Variants in ACACB observed in about 807,000 individuals in gnomAD.
The protein encoded by ACACB is acetyl-CoA carboxylase 2.
ACACB carries 209 observed loss-of-function variants against 278.8 expected under a neutral mutation model. The observed-to-expected ratio is 0.75, with a 90% CI of 0.67 to 0.84. The LOEUF (loss-of-function observed/expected upper bound fraction) is 0.84, where lower values mean the gene tolerates loss of function less well. ACACB is among the 40% of genes least tolerant of loss of function. The probability of loss-of-function intolerance (pLI) is 0.00; values close to 1 mark genes in which losing one functional copy is unlikely to be tolerated. For missense variants in ACACB, 2,850 were observed against 3,269.0 expected, an observed-to-expected ratio of 0.87 and a Z score of 3.13; for synonymous variants, 1,174 against 1,285.6, an observed-to-expected ratio of 0.91 and a Z score of 1.86.
chr12:109,210,499 ATG>A (rs1362382440), intron 21 of ACACB, among the ~76,000 whole-genome samples: 1 of 148,682 alleles, frequency 6.7e-6, no homozygotes, highest in South Asian at 2.1e-4. Flanking sequence ...ATATACATGT[ATG>A]TGTATATACG....
At chr12:109,260,226 T>A in intron 47 of ACACB, 1 of 1,377,202 alleles carries the variant, frequency 7.3e-7, no homozygotes, top group Non-Finnish European at 9.9e-7. Context: ...TCAATTCCAG[T>A]TGGAAAGAAT....
At chr12:109,209,144 A>G in intron 20 of ACACB, 21 bp from the exon 21 acceptor site, 1 of 1,574,480 alleles carries the variant, frequency 6.4e-7, no homozygotes, top group East Asian at 2.3e-5. Flanking sequence ...CTGGGGGCTG[A>G]TGCTGTGGTC....
At chr12:109,126,334 C>T (rs1358036089) in intron 1 of ACACB, among the ~76,000 whole-genome samples, 1 of 152,080 alleles carries the variant, frequency 6.6e-6, no homozygotes, top group Non-Finnish European at 1.5e-5. Context: ...AGGCAGGGGC[C>T]GATCTGGAAC....
chr12:109,216,352 G>A (rs561543574), intron 22 of ACACB, among the ~76,000 whole-genome samples: 225 of 151,670 alleles, frequency 1.5e-3, no homozygotes, highest in African/African-American at 5.2e-3. Flanking sequence ...CTCCTGAGTA[G>A]CTGGGACTAC....
intron 21 of ACACB, 127 bp downstream of exon 21, chr12:109,209,480 AG>A: frequency 1.1e-6 from 1 of 915,798 alleles, no homozygotes; most frequent in Middle Eastern, 3.5e-4. Context: ...CTAACATATC[AG>A]GGGCCGAGGG....
At position 109,266,368 on chromosome 12, in the gene ACACB, G is replaced by A; in HGVS notation, c.*6G>A. The A allele has an allele frequency of 6.3e-7, 1 of 1,597,040 alleles. No individual in the cohort carries two copies. The highest frequency in any genetic ancestry group is 8.5e-7 in the Non-Finnish European group (1 of 1,174,370). Reference sequence around the variant, plus strand: ...ACAGCCCGGCCTCCACCTGACCGTGGCCCGCCCAGCCACTCCCGGGACCAC... The same window carrying A: ...ACAGCCCGGCCTCCACCTGACCGTGACCCGCCCAGCCACTCCCGGGACCAC... On this transcript the variant is annotated 3_prime_UTR_variant, in exon 53 of 53. Transcript: ENST00000338432.
intron 26 of ACACB, among the ~76,000 whole-genome samples, chr12:109,223,245 A>C (rs1240609637): frequency 1.3e-5 from 2 of 151,968 alleles, no homozygotes; most frequent in Non-Finnish European, 2.9e-5. Flanking sequence ...CATCTTCCCT[A>C]TTCCTGGACT....
At chr12:109,167,319 A>C in intron 3 of ACACB, 1 of 206,712 alleles carries the variant, frequency 4.8e-6, no homozygotes, top group Non-Finnish European at 9.9e-6. Context: ...ACAGTGGCTC[A>C]TGCCTGTAAT....
intron 1 of ACACB, chr12:109,125,209 T>C (rs755905957): frequency 6.6e-6 from 1 of 152,182 alleles, no homozygotes; most frequent in Non-Finnish European, 1.5e-5. Flanking sequence ...TTGAGGGGTG[T>C]TACGACCTTA....
chr12:109,262,222 G>A (rs947615977), intron 48 of ACACB, 135 bp from the exon 49 acceptor site: 7 of 648,242 alleles, frequency 1.1e-5, no homozygotes, highest in African/African-American at 5.4e-5. Flanking sequence ...CACACAGCAT[G>A]TGTGGGGGTA....
chr12:109,216,864 T>G lies in ACACB; in HGVS notation c.3508T>G (p.Cys1170Gly). The G allele has an allele frequency of 6.2e-7, 1 of 1,614,136 alleles. No individual in the cohort carries two copies. Among genetic ancestry groups the G allele is most frequent in the Admixed American group, 1.7e-5 (1 of 60,022 alleles). The change falls in exon 24 of 53, where the codon TGC (cysteine) becomes GGC (glycine). Residue 1170 changes from cysteine (C) to glycine (G), a missense_variant. By Grantham distance (159) the Cys-to-Gly change is radical. Around this residue, in one of 3 missense-constraint regions of ACACB, gnomAD observed 2,265 missense variants for 2,561.3 expected, o/e 0.88. Coordinates refer to ENST00000338432, the MANE Select transcript of ACACB (RefSeq NM_001093.4). The part of the protein sequence containing the change: ...FKPDMSQVLD[C>G]IFSHAQVAKK... ...GCCAGACATGTCCCAGGTGCTGGACTGCATCTTCTCCCACGCACAGGTGGC... is the reference window on the plus strand; with the variant it reads ...GCCAGACATGTCCCAGGTGCTGGACGGCATCTTCTCCCACGCACAGGTGGC...
chr12:109,210,235 A>ATATATGTATATATACACACATGTGTG (rs1593577893), intron 21 of ACACB, among the ~76,000 whole-genome samples: 1 of 21,076 alleles, frequency 4.7e-5, no homozygotes, highest in Non-Finnish European at 7.9e-5. Flanking sequence ...GTGTATATGT[A>ATATATGTATATATACACACATGTGTG]TATATGTATA....
intron 1 of ACACB, among the ~76,000 whole-genome samples, chr12:109,132,170 C>G (rs1398511844): frequency 1.3e-5 from 2 of 148,594 alleles, no homozygotes; most frequent in Admixed American, 6.7e-5. Flanking sequence ...TTGGGTTGTT[C>G]CTTTTTTTTT....
At chr12:109,238,011 CAAA>C (rs538671568) in intron 34 of ACACB, among the ~76,000 whole-genome samples, 15 of 61,278 alleles carry the variant, frequency 2.4e-4, no homozygotes, top group African/African-American at 3.6e-4. Context: ...GACCCTATCA[CAAA>C]AAAAAAAAAA....
chr12:109,134,037 G>A (rs547403203), intron 1 of ACACB, among the ~76,000 whole-genome samples: 9 of 151,170 alleles, frequency 6.0e-5, no homozygotes, highest in African/African-American at 1.7e-4. Flanking sequence ...TCCCGCCTTG[G>A]CCTCCCAAAG....
At chr12:109,192,820 C>T (rs988112986) in intron 15 of ACACB, among the ~76,000 whole-genome samples, 1 of 152,068 alleles carries the variant, frequency 6.6e-6, no homozygotes, top group Admixed American at 6.6e-5. Flanking sequence ...TGCCATCATG[C>T]CTGGCCAATT....
chr12:109,115,809 G>A (rs972371904), upstream of ACACB, among the ~76,000 whole-genome samples: 2 of 152,230 alleles, frequency 1.3e-5, no homozygotes, highest in African/African-American at 2.4e-5. Flanking sequence ...CACAGATCCC[G>A]TGCTCAGCGC....
At position 109,242,438 on chromosome 12, in the gene ACACB, T is replaced by A. The variant is rs937603520; in HGVS notation, c.5024T>A (p.Ile1675Asn). The A allele has an allele frequency of 1.7e-5, 27 of 1,613,486 alleles. No homozygotes were observed. The highest frequency in any genetic ancestry group is 2.1e-5 in the Non-Finnish European group (25 of 1,179,664). The change falls in exon 37 of 53, where the codon ATC (isoleucine) becomes AAC (asparagine). Residue 1675 changes from isoleucine (I) to asparagine (N), a missense_variant and splice_region_variant. Physicochemically the swap from Ile to Asn is moderately radical, Grantham distance 149. This residue lies in a region of ACACB where 2,265 missense variants were observed against 2,561.3 expected (regional missense o/e 0.88). Transcript: ENST00000338432. Reference sequence around the variant, plus strand: ...TGTTTTCCCTCCTTTCTGGTCCAGATCATGTTTCACTCCTTCGGCAACAAG... The same window carrying A: ...TGTTTTCCCTCCTTTCTGGTCCAGAACATGTTTCACTCCTTCGGCAACAAG... Reference protein sequence around the residue: ...KEVTDSRSGNIMFHSFGNKQG... With the variant: ...KEVTDSRSGNNMFHSFGNKQG...
chr12:109,208,290 C>T (rs981502873), intron 20 of ACACB, among the ~76,000 whole-genome samples: 64 of 151,006 alleles, frequency 4.2e-4, no homozygotes, highest in Admixed American at 2.6e-4. Flanking sequence ...AAACACTGCT[C>T]ACTACAACCT....
Sources: gnomAD v4.1 joint callset for allele counts (sites outside exome capture counted in the v4.1 genomes callset) on GRCh38, gnomAD v4.1.1 for gene constraint, gnomAD v4.1.1 regional missense constraint, MANE v1.5 for transcripts, NCBI Gene and HGNC (gene_info 2026-07-23, HGNC 2026-07-21) for gene names.